TIAM1: variants seen among roughly 807,000 people sequenced by gnomAD.
The protein encoded by TIAM1 is rho guanine nucleotide exchange factor TIAM1.
Under a neutral mutation model 163.5 loss-of-function variants are expected in TIAM1, and 65 were observed. That is an observed-to-expected ratio of 0.40 (90% CI 0.33 to 0.49). TIAM1 has a LOEUF of 0.49. Ranked by LOEUF, TIAM1 falls within the 20% of genes least tolerant of loss-of-function variation. TIAM1 has a pLI of 0.77. For synonymous variants in TIAM1, 833 were observed against 810.1 expected, an observed-to-expected ratio of 1.03 and a Z score of -0.48; for missense variants, 1,789 against 2,044.7, an observed-to-expected ratio of 0.87 and a Z score of 2.41.
At chr21:31,221,887 A>G (rs2833344) in intron 8 of TIAM1, among the ~76,000 whole-genome samples, 18,859 of 152,180 alleles carry the variant, frequency 0.12, 3,726 homozygotes, top group African/African-American at 0.42. Context: ...CCAGGTCTCC[A>G]AGAAATAGAT....
chr21:31,190,210 A>G (rs900324545), intron 13 of TIAM1, among the ~76,000 whole-genome samples: 1 of 152,200 alleles, frequency 6.6e-6, no homozygotes. Context: ...GTTTGAGACC[A>G]GCCCTGGCAA....
At chr21:31,483,228 C>G (rs1419956811) in intron 1 of TIAM1, among the ~76,000 whole-genome samples, 1 of 152,174 alleles carries the variant, frequency 6.6e-6, no homozygotes, top group Non-Finnish European at 1.5e-5. Flanking sequence ...CAGTCCCCAC[C>G]ACCATGGGAT....
Position 31,266,480 on chromosome 21 carries a change from A to T in TIAM1, c.493T>A (p.Phe165Ile). The T allele has an allele frequency of 6.2e-7, 1 of 1,614,142 alleles. No homozygotes were observed. The highest frequency in any genetic ancestry group is 8.5e-7 in the Non-Finnish European group (1 of 1,180,024). The change falls in exon 4 of 28, where the codon TTT (phenylalanine) becomes ATT (isoleucine). Residue 165 changes from phenylalanine to isoleucine, a missense_variant. Transcript: ENST00000541036. ...GCAGATTTGGAGCGTTTCTTCTTAAAGCTCGCCGTCTCCATGAAAGTGGGC... is the reference window on the plus strand; with the variant it reads ...GCAGATTTGGAGCGTTTCTTCTTAATGCTCGCCGTCTCCATGAAAGTGGGC... ...NGPTFMETAS[F>I]KKKRSKSADI... is the part of the protein sequence containing the mutation.
At chr21:31,127,658 C>T (rs928684400) in intron 25 of TIAM1, among the ~76,000 whole-genome samples, 61 of 152,208 alleles carry the variant, frequency 4.0e-4, no homozygotes, top group African/African-American at 1.5e-3. Flanking sequence ...TCTCATGATC[C>T]ACCCGCCTCG....
intron 1 of TIAM1, among the ~76,000 whole-genome samples, chr21:31,488,366 A>C (rs1316132049): frequency 6.6e-6 from 1 of 152,210 alleles, no homozygotes; most frequent in Non-Finnish European, 1.5e-5. Flanking sequence ...CAGTGTATTC[A>C]GGGGGATGGG....
intron 1 of TIAM1, among the ~76,000 whole-genome samples, chr21:31,470,484 C>A (rs1488499655): frequency 1.3e-5 from 2 of 152,030 alleles, no homozygotes; most frequent in Admixed American, 1.3e-4. Flanking sequence ...CAGGCATATG[C>A]CACCAGGCCT....
intron 2 of TIAM1, among the ~76,000 whole-genome samples, chr21:31,454,367 T>C (rs1235775614): frequency 6.6e-6 from 1 of 152,194 alleles, no homozygotes; most frequent in African/African-American, 2.4e-5. Context: ...GGTTAAAAAT[T>C]TTAAGAGCAT....
intron 2 of TIAM1, among the ~76,000 whole-genome samples, chr21:31,325,455 G>T (rs775798925): frequency 1.5e-4 from 23 of 151,174 alleles, no homozygotes; most frequent in Non-Finnish European, 1.6e-4. Flanking sequence ...ATCACTTGAG[G>T]TCAGGAGTTC....
chr21:31,489,574 C>A (rs1047168904), intron 1 of TIAM1, among the ~76,000 whole-genome samples: 3 of 36,292 alleles, frequency 8.3e-5, no homozygotes, highest in African/African-American at 2.5e-4. Flanking sequence ...AGTGCAGACC[C>A]CCCCCCCCTT....
rs961981146 is a variant in TIAM1 at position 31,395,660 on chromosome 21, A to G, written c.-368-56238T>C. Among the ~76,000 whole-genome samples, 17 of 152,344 alleles carry G rather than the reference A, an allele frequency of 1.1e-4. No homozygotes were observed. The highest frequency in any genetic ancestry group is 4.1e-4 in the South Asian group (2 of 4,826). ...GCATGGGGGTAGTAAAAGGTGCTGG[A>G]CGAGAGAATAAATATTGACTAAAAC... is the stretch of plus-strand genomic sequence containing the variant. On this transcript the variant is annotated intron_variant, in intron 2 of 28. Transcript: ENST00000286827. The surrounding 1 kb of genome is among the most constrained non-coding windows in gnomAD (Gnocchi z 7.5).
At chr21:31,244,491 G>A (rs151001407) in intron 6 of TIAM1, among the ~76,000 whole-genome samples, 4,752 of 152,254 alleles carry the variant, frequency 0.031, 264 homozygotes, top group African/African-American at 0.11. Flanking sequence ...TTGGTAGGCC[G>A]AGGTGGGTGG....
chr21:31,301,706 GGC>G (rs2074509278), intron 2 of TIAM1, among the ~76,000 whole-genome samples: 1 of 151,938 alleles, frequency 6.6e-6, no homozygotes, highest in African/African-American at 2.4e-5. Context: ...TGGGCATGGT[GGC>G]ACACAACTGT....
At chr21:31,517,271 T>C (rs1380948712) in intron 1 of TIAM1, among the ~76,000 whole-genome samples, 1 of 151,962 alleles carries the variant, frequency 6.6e-6, no homozygotes, top group Non-Finnish European at 1.5e-5. Context: ...TCATGGCTCG[T>C]GCCTGTAATC....
At chr21:31,462,167 C>T (rs2045352009) in intron 2 of TIAM1, among the ~76,000 whole-genome samples, 1 of 152,158 alleles carries the variant, frequency 6.6e-6, no homozygotes, top group African/African-American at 2.4e-5. Context: ...CGATCTCAGG[C>T]TTTATAGGCC....
Position 31,120,243 on chromosome 21 carries a change from C to T in TIAM1, c.*125G>A. ...TGGCTACATGGCTTCAGAACCAAGT[C>T]AGCTGCCAAAACCGTGTGTGCAAGA... On this transcript the variant is annotated 3_prime_UTR_variant, in exon 28 of 28. Transcript: ENST00000541036. This position sits in a 1 kb window ranked among gnomAD's most constrained non-coding sequence, Gnocchi z 4.2. 1.0e-6 allele frequency: 1 copy of T among 967,568 alleles called. No individual in the cohort carries two copies. The highest frequency in any genetic ancestry group is 1.5e-6 in the Non-Finnish European group (1 of 668,488). 59.9% of individuals were successfully genotyped at this position (967,568 alleles called of 1,614,324 possible).
At chr21:31,380,904 A>G (rs2076768299) in intron 2 of TIAM1, among the ~76,000 whole-genome samples, 1 of 152,220 alleles carries the variant, frequency 6.6e-6, no homozygotes, top group Non-Finnish European at 1.5e-5. Flanking sequence ...CTTCACTCAC[A>G]TGTTGAATGA....
chr21:31,203,129 G>A (rs1052910060), intron 11 of TIAM1, 117 bp from the exon 12 acceptor site: 3 of 900,866 alleles, frequency 3.3e-6, no homozygotes, highest in Non-Finnish European at 5.1e-6. Context: ...TGTTGTTGTT[G>A]TTGTTGTTTT....
intron 1 of TIAM1, among the ~76,000 whole-genome samples, chr21:31,503,714 G>C (rs2046939269): frequency 6.6e-6 from 1 of 150,856 alleles, no homozygotes. Flanking sequence ...CATGAAAACA[G>C]TGGCTGACAG....
Position 31,141,601 on chromosome 21 carries a change from T to C in TIAM1, c.3476-97A>G. On this transcript the variant is annotated intron_variant, in intron 20 of 27. Transcript: ENST00000541036. The surrounding 1 kb of genome is among the most constrained non-coding windows in gnomAD (Gnocchi z 4.7). ...TCCTCAGTGACTCCAAGGTGCCTTT[T>C]TGCAGGACTGAGCAGAGAGTGGGTG... 15 of 1,422,026 alleles carry C rather than the reference T, an allele frequency of 1.1e-5. No individual in the cohort carries two copies. The highest frequency in any genetic ancestry group is 2.3e-5 in the East Asian group (1 of 43,766). 88.1% of individuals were successfully genotyped at this position (1,422,026 alleles called of 1,614,324 possible). A position where few individuals can be genotyped will look rare whatever the true frequency, so the allele number is the denominator to read the frequency against.
Sources: gnomAD v4.1 joint callset for allele counts (sites outside exome capture counted in the v4.1 genomes callset) on GRCh38, gnomAD v4.1.1 for gene constraint, Gnocchi (gnomAD v3.1) non-coding constraint, MANE v1.5 for transcripts, NCBI Gene and HGNC (gene_info 2026-07-23, HGNC 2026-07-21) for gene names.